Variants in PRKG1 observed in about 807,000 individuals in gnomAD.
PRKG1 encodes cGMP-dependent protein kinase 1.
PRKG1 carries 35 observed loss-of-function variants against 88.1 expected under a neutral mutation model. The ratio of observed to expected loss-of-function variants is 0.40; its 90% CI spans 0.30 to 0.53. The LOEUF (loss-of-function observed/expected upper bound fraction) is 0.53, where lower values mean the gene tolerates loss of function less well. PRKG1 is among the 20% of genes least tolerant of loss of function. The pLI, the probability that PRKG1 is intolerant of heterozygous loss-of-function variation, is 0.59. For missense variants in PRKG1, 540 were observed against 839.8 expected (o/e 0.64, Z 4.41); for synonymous variants, 303 against 292.5 (o/e 1.04, Z -0.37).
At chr10:51,469,541 G>C (rs931102771) in intron 3 of PRKG1, among the ~76,000 whole-genome samples, 3 of 151,738 alleles carry the variant, frequency 2.0e-5, no homozygotes, top group East Asian at 1.9e-4. Flanking sequence ...TTTCTTATTA[G>C]AGTTCTATAT....
chr10:51,973,002 A>G (rs1396416052), intron 5 of PRKG1, among the ~76,000 whole-genome samples: 4 of 152,148 alleles, frequency 2.6e-5, no homozygotes, highest in African/African-American at 9.7e-5. Context: ...AGAGGCACAG[A>G]AGTTGCTTCT....
At chr10:52,286,028 T>C (rs962377437) in intron 14 of PRKG1, among the ~76,000 whole-genome samples, 3 of 152,000 alleles carry the variant, frequency 2.0e-5, no homozygotes, top group Non-Finnish European at 4.4e-5. Flanking sequence ...AATTACATAA[T>C]AAAAATCCAT....
At chr10:51,392,529 T>C (rs1181115543) in intron 2 of PRKG1, among the ~76,000 whole-genome samples, 10 of 152,214 alleles carry the variant, frequency 6.6e-5, no homozygotes, top group African/African-American at 2.2e-4. Flanking sequence ...CCATGTCTAC[T>C]TCTTTCTACA....
At chr10:52,044,058 G>A (rs180930910) in intron 5 of PRKG1, among the ~76,000 whole-genome samples, 2 of 152,148 alleles carry the variant, frequency 1.3e-5, no homozygotes, top group South Asian at 4.1e-4. Context: ...AACTCTGAAG[G>A]TGTTCAAGAG....
intron 2 of PRKG1, among the ~76,000 whole-genome samples, chr10:51,235,354 GT>G (rs1381061994): frequency 4.6e-5 from 7 of 152,160 alleles, no homozygotes; most frequent in Admixed American, 2.0e-4. Context: ...GCCCCGTTAG[GT>G]TTAAGTCACT....
intron 3 of PRKG1, among the ~76,000 whole-genome samples, chr10:51,745,870 G>T (rs988110701): frequency 6.6e-6 from 1 of 151,896 alleles, no homozygotes; most frequent in African/African-American, 2.4e-5. Context: ...AATACACAGG[G>T]GTCTCATGAT....
rs1422932824 is a variant in PRKG1 at position 51,181,949 on chromosome 10, ACTT to A, written c.478+28622_478+28624del. ...ACATCATATTTTTTACTGAAAAACT[ACTT>A]CTGATGTGGCAGAGTGCACAGTTGG... On this transcript the variant is annotated intron_variant, in intron 2 of 17. Transcript: ENST00000373980. 2.6e-5 allele frequency among the ~76,000 whole-genome samples: 4 copies of A among 152,350 alleles called. No homozygotes were observed. In the East Asian group the frequency reaches 7.7e-4, roughly 29 times the overall value.
chr10:52,193,899 AC>A (rs1839440253), intron 9 of PRKG1, among the ~76,000 whole-genome samples: 1 of 152,046 alleles, frequency 6.6e-6, no homozygotes, highest in Non-Finnish European at 1.5e-5. Context: ...TTTGGACGAA[AC>A]TCCAAGTAGA....
intron 1 of PRKG1, among the ~76,000 whole-genome samples, chr10:51,086,481 G>A (rs1349362149): frequency 1.3e-5 from 2 of 152,204 alleles, no homozygotes; most frequent in East Asian, 3.9e-4. Context: ...GGATATGTGT[G>A]TTTGGGTGTT....
intron 2 of PRKG1, among the ~76,000 whole-genome samples, chr10:51,192,632 C>A (rs946095441): frequency 6.6e-5 from 10 of 151,844 alleles, no homozygotes; most frequent in South Asian, 4.2e-4. Flanking sequence ...AAGAAAAAAA[C>A]CATGAGTATT....
At chr10:52,163,225 T>TTGTG (rs150295348) in intron 9 of PRKG1, among the ~76,000 whole-genome samples, 2,533 of 146,808 alleles carry the variant, frequency 0.017, 53 homozygotes, top group African/African-American at 0.053. Context: ...TTTCGTGTGT[T>TTGTG]TGTGTGTGTG....
At chr10:51,941,784 CA>C (rs1280463679) in intron 5 of PRKG1, among the ~76,000 whole-genome samples, 1 of 151,846 alleles carries the variant, frequency 6.6e-6, no homozygotes, top group Non-Finnish European at 1.5e-5. Flanking sequence ...GACATGAACT[CA>C]TCCTTTTTTA....
At chr10:51,290,398 A>T (rs1242571099) in intron 2 of PRKG1, among the ~76,000 whole-genome samples, 2 of 152,192 alleles carry the variant, frequency 1.3e-5, no homozygotes, top group African/African-American at 4.8e-5. Context: ...AGGAGGCAGG[A>T]GGATTACTTG....
intron 3 of PRKG1, among the ~76,000 whole-genome samples, chr10:51,472,214 A>G (rs1399574069): frequency 2.0e-5 from 3 of 151,904 alleles, no homozygotes; most frequent in Non-Finnish European, 4.4e-5. Flanking sequence ...CAAAGTTTAA[A>G]GGTCTGGAGT....
chr10:51,938,946 G>A (rs1393502899), intron 5 of PRKG1, among the ~76,000 whole-genome samples: 1 of 151,916 alleles, frequency 6.6e-6, no homozygotes, highest in Non-Finnish European at 1.5e-5. Flanking sequence ...TTTTTGCAGT[G>A]GACACTGATA....
chr10:51,212,870 C>A (rs1299938426), intron 2 of PRKG1, among the ~76,000 whole-genome samples: 2 of 152,164 alleles, frequency 1.3e-5, no homozygotes, highest in Non-Finnish European at 2.9e-5. Flanking sequence ...GTTGGTGGGA[C>A]TGTAAACTAG....
chr10:51,528,571 CA>C (rs11337114), intron 3 of PRKG1, among the ~76,000 whole-genome samples: 93,373 of 140,652 alleles, frequency 0.66, 30,369 homozygotes, highest in East Asian at 0.94. Context: ...TTCAGTACAG[CA>C]AAAAAAAAAA....
At chr10:51,583,065 T>G (rs1290133204) in intron 3 of PRKG1, among the ~76,000 whole-genome samples, 2 of 152,158 alleles carry the variant, frequency 1.3e-5, no homozygotes, top group African/African-American at 2.4e-5. Flanking sequence ...TATCTAATTG[T>G]CATATGTAAA....
chr10:51,481,203 CCCT>C (rs1184080386), intron 3 of PRKG1, among the ~76,000 whole-genome samples: 1 of 146,032 alleles, frequency 6.8e-6, no homozygotes, highest in Non-Finnish European at 1.5e-5. Context: ...CTCTCTCCCT[CCCT>C]CCTTTCGTTC....
Sources: allele counts gnomAD v4.1 joint callset (sites outside exome capture counted in the v4.1 genomes callset), GRCh38; gene constraint gnomAD v4.1.1; transcripts MANE v1.5; gene names NCBI Gene and HGNC (gene_info 2026-07-23, HGNC 2026-07-21).